The following MGST1 variants were observed in gnomAD, a reference collection of about 807,000 sequenced individuals.
MGST1 encodes the protein microsomal glutathione S-transferase 1, also known as glutathione S-transferase 12.
MGST1 carries 5 observed loss-of-function variants against 8.9 expected under a neutral mutation model. The ratio of observed to expected loss-of-function variants is 0.56; its 90% CI spans 0.29 to 1.19. MGST1 has a LOEUF of 1.19. Ranked by LOEUF, MGST1 falls within the 50% of genes most tolerant of loss-of-function variation. The pLI is 0.08. For synonymous variants in MGST1, 54 were observed against 67.8 expected (o/e 0.80, Z 1.00); for missense variants, 182 against 187.4 (o/e 0.97, Z 0.17).
At chr12:16,370,833 T>C (rs1940279981) in intron 3 of MGST1, among the ~76,000 whole-genome samples, 1 of 152,194 alleles carries the variant, frequency 6.6e-6, no homozygotes, top group Non-Finnish European at 1.5e-5. Context: ...GTTGGTCTAC[T>C]CTTTCTCCAG....
chr12:16,490,606 T>G (rs1941432454), intron 4 of MGST1, among the ~76,000 whole-genome samples: 1 of 152,180 alleles, frequency 6.6e-6, no homozygotes, highest in Non-Finnish European at 1.5e-5. Flanking sequence ...TACTATACCC[T>G]TGGCAGAATA....
downstream of MGST1, among the ~76,000 whole-genome samples, chr12:16,592,311 T>G (rs957993277): frequency 6.6e-6 from 1 of 152,076 alleles, no homozygotes; most frequent in African/African-American, 2.4e-5. Flanking sequence ...GAAGAGATTC[T>G]TCTAGCTCAG....
At chr12:16,396,768 T>A (rs1249538211) in intron 1 of MGST1, among the ~76,000 whole-genome samples, 1 of 152,214 alleles carries the variant, frequency 6.6e-6, no homozygotes, top group East Asian at 1.9e-4. Flanking sequence ...TACAAAACAA[T>A]GCTGAAAGAA....
chr12:16,461,196 A>C (rs1220441720), intron 4 of MGST1, among the ~76,000 whole-genome samples: 2 of 147,216 alleles, frequency 1.4e-5, no homozygotes, highest in Non-Finnish European at 3.0e-5. Flanking sequence ...AAAAAAAAGC[A>C]CATCATAACA....
intron 4 of MGST1, among the ~76,000 whole-genome samples, chr12:16,509,832 G>A (rs557914322): frequency 3.3e-5 from 5 of 152,212 alleles, no homozygotes; most frequent in African/African-American, 1.2e-4. Context: ...ATTTGGATAC[G>A]TTTAGGTAGG....
At chr12:16,449,514 G>A (rs1262030358) in intron 4 of MGST1, among the ~76,000 whole-genome samples, 1 of 151,886 alleles carries the variant, frequency 6.6e-6, no homozygotes, top group Non-Finnish European at 1.5e-5. Flanking sequence ...ACATGTCCAG[G>A]TGGATATGTT....
intron 4 of MGST1, among the ~76,000 whole-genome samples, chr12:16,558,671 T>C (rs1372847655): frequency 1.3e-5 from 2 of 152,114 alleles, no homozygotes. Flanking sequence ...AGATAACATC[T>C]TACATGACTG....
chr12:16,347,437 G>A (rs1449368698), upstream of MGST1, among the ~76,000 whole-genome samples: 1 of 152,170 alleles, frequency 6.6e-6, no homozygotes, highest in Non-Finnish European at 1.5e-5. The surrounding 1 kb of genome is among the most constrained non-coding windows in gnomAD (Gnocchi z 4.0). Context: ...GATTAGGGGA[G>A]TTGGCATTTC....
At chr12:16,495,287 T>C (rs1349459012) in intron 4 of MGST1, among the ~76,000 whole-genome samples, 2 of 152,042 alleles carry the variant, frequency 1.3e-5, no homozygotes, top group Non-Finnish European at 2.9e-5. Context: ...GACACAAAGA[T>C]GGCAACAGTA....
At chr12:16,460,938 C>T (rs541309801) in intron 4 of MGST1, among the ~76,000 whole-genome samples, 16 of 151,910 alleles carry the variant, frequency 1.1e-4, no homozygotes, top group Admixed American at 1.3e-4. Flanking sequence ...TTAAATCATA[C>T]GGTATTAGTA....
chr12:16,465,102 T>A (rs1227352066), intron 4 of MGST1, among the ~76,000 whole-genome samples: 1 of 152,212 alleles, frequency 6.6e-6, no homozygotes, highest in Non-Finnish European at 1.5e-5. Context: ...GACTAAAAGC[T>A]TTCTTTATTG....
chr12:16,580,319 G>C lies in MGST1; in HGVS notation n.483-9209G>C, dbSNP rs373193607. Among the ~76,000 whole-genome samples, 124 of 152,240 alleles carry C rather than the reference G, an allele frequency of 8.1e-4. 4 individuals carry two copies. In the South Asian group the frequency reaches 0.025, roughly 31 times the overall value. Reference sequence around the variant, plus strand: ...AACTTCTGTTTTACTGGGAGCACTAGGAATAGAAGGATCAAGAGCAAAGAC... The same window carrying C: ...AACTTCTGTTTTACTGGGAGCACTACGAATAGAAGGATCAAGAGCAAAGAC... On this transcript the variant is annotated intron_variant and non_coding_transcript_variant, in intron 4 of 4. Coordinates refer to the MGST1 transcript ENST00000538857.
intron 4 of MGST1, among the ~76,000 whole-genome samples, chr12:16,454,592 G>A (rs188326175): frequency 2.6e-5 from 4 of 151,928 alleles, no homozygotes; most frequent in Admixed American, 2.6e-4. Flanking sequence ...ATTCAGATTG[G>A]TTTATTTGAC....
At chr12:16,386,544 T>G (rs973669970) in intron 1 of MGST1, among the ~76,000 whole-genome samples, 1 of 152,208 alleles carries the variant, frequency 6.6e-6, no homozygotes, top group Non-Finnish European at 1.5e-5. Context: ...AGACCGAAGC[T>G]TCTAAAACAA....
intron 4 of MGST1, among the ~76,000 whole-genome samples, chr12:16,449,310 CTT>C (rs907444554): frequency 1.6e-4 from 25 of 151,908 alleles, no homozygotes; most frequent in African/African-American, 5.8e-4. Context: ...GTGCCATACA[CTT>C]TTAAGCAATC....
intron 4 of MGST1, among the ~76,000 whole-genome samples, chr12:16,445,119 C>T (rs922794871): frequency 6.6e-5 from 10 of 151,560 alleles, no homozygotes; most frequent in Non-Finnish European, 1.3e-4. Context: ...TGCTGTCTAG[C>T]CCTTTTCTGC....
intron 1 of MGST1, among the ~76,000 whole-genome samples, chr12:16,393,000 T>G (rs1017300796): frequency 2.6e-5 from 4 of 152,164 alleles, no homozygotes; most frequent in Non-Finnish European, 5.9e-5. Context: ...CCCTTAACCA[T>G]ATATAGAAAA....
At chr12:16,572,150 A>G (rs916557982) in intron 4 of MGST1, among the ~76,000 whole-genome samples, 3 of 151,918 alleles carry the variant, frequency 2.0e-5, no homozygotes, top group African/African-American at 7.2e-5. Flanking sequence ...TTAAAACTTG[A>G]TGCTTTCCAT....
chr12:16,408,290 G>C (rs1940713645), intron 1 of MGST1, among the ~76,000 whole-genome samples: 1 of 151,946 alleles, frequency 6.6e-6, no homozygotes, highest in South Asian at 2.1e-4. Context: ...TTAGTACCTG[G>C]GTGACAAAAT....
Sources: allele counts gnomAD v4.1 joint callset (sites outside exome capture counted in the v4.1 genomes callset), GRCh38; gene constraint gnomAD v4.1.1; non-coding constraint Gnocchi (gnomAD v3.1); transcripts MANE v1.5; gene names NCBI Gene and HGNC (gene_info 2026-07-23, HGNC 2026-07-21).